The following ZNF7 variants were observed in gnomAD, a reference collection of about 807,000 sequenced individuals.
The protein encoded by ZNF7 is C2-H2 type zinc finger protein.
A neutral mutation model predicts 12.0 loss-of-function variants in ZNF7; 10 were observed. The observed-to-expected ratio is 0.83, with a 90% CI of 0.51 to 1.42. ZNF7 has a LOEUF of 1.42. Ranked by LOEUF, ZNF7 falls within the 40% of genes most tolerant of loss-of-function variation. ZNF7 has a pLI of 0.00. For synonymous variants in ZNF7, 334 were observed against 295.0 expected, an observed-to-expected ratio of 1.13 and a Z score of -1.35; for missense variants, 854 against 837.2, an observed-to-expected ratio of 1.02 and a Z score of -0.25.
chr8:144,843,304 T>C lies in ZNF7; in HGVS notation c.*136T>C, dbSNP rs1830218794. The stretch of plus-strand genomic sequence containing the variant: ...AGAATTGCTCTCAAGAATATCCAAC[T>C]TCAGGCCGAGTGTGGTGGCTTATGC... On this transcript the variant is annotated 3_prime_UTR_variant, in exon 5 of 5. Transcript: ENST00000532777. 4.3e-6 allele frequency: 5 copies of C among 1,156,840 alleles called. No homozygotes were observed. The South Asian group carries it at 5.2e-5, about 12-fold the overall frequency. 71.7% of individuals were successfully genotyped at this position (1,156,840 alleles called of 1,614,324 possible).
chr8:144,833,582 T>A (rs1828685853), intron 3 of ZNF7, among the ~76,000 whole-genome samples: 1 of 152,176 alleles, frequency 6.6e-6, no homozygotes, highest in South Asian at 2.1e-4. Context: ...TTCGCCATGT[T>A]GGCCAGGCTG....
downstream of ZNF7, chr8:144,846,307 A>G: frequency 1.1e-6 from 1 of 923,502 alleles, no homozygotes; most frequent in African/African-American, 1.7e-5. Context: ...ACATGGTCCT[A>G]AGTCAGGGGC....
chr8:144,833,082 C>G (rs1190034919), intron 3 of ZNF7, among the ~76,000 whole-genome samples: 1 of 151,482 alleles, frequency 6.6e-6, no homozygotes, highest in Admixed American at 6.6e-5. Context: ...CCTGTAATCC[C>G]AGCTACTCAG....
At chr8:144,837,116 C>G in intron 3 of ZNF7, 1 of 289,076 alleles carries the variant, frequency 3.5e-6, no homozygotes, top group East Asian at 5.7e-5. Context: ...TAGAGGCGGA[C>G]TGTCCTTTGC....
rs1298022823 is a variant in ZNF7 at position 144,841,972 on chromosome 8, C to T, written c.865C>T (p.Leu289=). 6.2e-7 allele frequency: 1 copy of T among 1,614,016 alleles called. No individual in the cohort carries two copies. The highest frequency in any genetic ancestry group is 8.5e-7 in the Non-Finnish European group (1 of 1,180,040). Residue 289 remains leucine, a synonymous_variant, in exon 5 of 5, where the codon CTG becomes TTG. Coordinates refer to ENST00000532777, the MANE Select transcript of ZNF7 (RefSeq NM_003416.4). ...CACTGAGTGTGGAAAAGCCTTCCGC[C>T]TGAGCTCAAAACTTATTCAGCATCA... ...KCTECGKAFR[L]SSKLIQHQRI...
rs374019253 is a variant in ZNF7, at chr8:144,842,302, A to G, written c.1195A>G (p.Ser399Gly). 1.6e-5 allele frequency: 26 copies of G among 1,613,916 alleles called. No homozygotes were observed. Among genetic ancestry groups the G allele is most frequent in the Non-Finnish European group, 2.1e-5 (25 of 1,180,054 alleles). The change falls in exon 5 of 5, where the codon AGC (serine) becomes GGC (glycine). Residue 399 changes from serine to glycine, a missense_variant. Ser to Gly is a moderately conservative substitution (Grantham distance 56). Coordinates refer to ENST00000532777, the MANE Select transcript of ZNF7 (RefSeq NM_003416.4). ...AATTCTAAAAGCCTCAGACAGTCCA[A>G]GCCTTGTTGCACATCAGAGAATTCA... ...AQILKASDSP[S>G]LVAHQRIHAV... is the part of the protein sequence containing the mutation.
chr8:144,841,606 G>C lies in ZNF7; in HGVS notation c.499G>C (p.Ala167Pro). ...GGTTCCCAAGACCTTCACCAAGGAC[G>C]CACCCCAGGGATGTAAGGAGCTGGG... Reference protein sequence around the residue: ...TVVPKTFTKDAPQGCKELGSS... With the variant: ...TVVPKTFTKDPPQGCKELGSS... Residue 167 changes from alanine (A) to proline (P), a missense_variant, in exon 5 of 5, where the codon GCA becomes CCA. Physicochemically the swap from Ala to Pro is conservative, Grantham distance 27. Coordinates refer to ENST00000532777, the MANE Select transcript of ZNF7 (RefSeq NM_003416.4). The C allele has an allele frequency of 6.2e-7, 1 of 1,614,176 alleles. No individual in the cohort carries two copies. Among genetic ancestry groups the C allele is most frequent in the East Asian group, 2.2e-5 (1 of 44,888 alleles).
At position 144,842,097 on chromosome 8, in the gene ZNF7, A is replaced by T. The variant is rs143516383; in HGVS notation, c.990A>T (p.Gly330=). 1.8e-3 allele frequency: 2,869 copies of T among 1,614,134 alleles called. 45 individuals are homozygous for T. In the African/African-American group the frequency reaches 0.033, roughly 18 times the overall value. Residue 330 remains glycine (G), a synonymous_variant, in exon 5 of 5, where the codon GGA becomes GGT. Transcript: ENST00000532777. ...TCCACCATCAGAGAATCCACACAGG[A>T]GAGAGGCCCTATGGTTGTCGTGAGT... ...SLIHHQRIHT[G]ERPYGCRECG...
At chr8:144,838,338 A>G (rs369025138) in intron 4 of ZNF7, 5 of 570,124 alleles carry the variant, frequency 8.8e-6, no homozygotes, top group South Asian at 6.5e-5. Flanking sequence ...AGGTGCTTCA[A>G]GTTAGGACTT....
rs1829934222 is a variant in ZNF7 at position 144,841,707 on chromosome 8, G to A, written c.600G>A (p.Glu200=). 6.2e-7 allele frequency: 1 copy of A among 1,614,176 alleles called. No homozygotes were observed. The highest frequency in any genetic ancestry group is 1.3e-5 in the African/African-American group (1 of 75,050). ...SAEGMSQRCE[E]CGKGIRATSD... is the part of the protein sequence containing the mutation. ...AAGGGATGTCCCAGAGATGCGAGGA[G>A]TGTGGCAAAGGCATCAGAGCCACTT... The change falls in exon 5 of 5, where the codon GAG becomes GAA. Residue 200 remains glutamate (E), a synonymous_variant. Coordinates refer to ENST00000532777, the MANE Select transcript of ZNF7 (RefSeq NM_003416.4).
Position 144,842,903 on chromosome 8 carries a change from AC to A in ZNF7, c.1798del (p.Gln600ArgfsTer23). ...AGCCGGAGCTCATATCTTATTGAAC[AC>A]CAGAGAATACACACTAGGGCCCAGT... ...AFSRSSYLIEHQRIHTRAQWF... is the reference protein window; with the variant it reads ...AFSRSSYLIEXQRIHTRAQWF... On this transcript the variant is annotated frameshift_variant, in exon 5 of 5. Coordinates refer to ENST00000532777, the MANE Select transcript of ZNF7 (RefSeq NM_003416.4). LOFTEE classifies it low-confidence loss of function (END_TRUNC). 1 of 1,614,188 alleles carries A rather than the reference AC, an allele frequency of 6.2e-7. No individual in the cohort carries two copies. Among genetic ancestry groups the A allele is most frequent in the Non-Finnish European group, 8.5e-7 (1 of 1,180,022 alleles).
chr8:144,841,518 C>A lies in ZNF7; in HGVS notation c.411C>A (p.Gly137=). ...AGGTCTGGTTAGACAGTCATCTGGG[C>A]AGTCCCGGGCTGAAAGTGACAGGCT... The part of the protein sequence containing the change: ...DSEVWLDSHL[G]SPGLKVTGFT... The change falls in exon 5 of 5, where the codon GGC becomes GGA. Residue 137 remains glycine, a synonymous_variant. Transcript: ENST00000532777. The A allele has an allele frequency of 1.2e-6, 2 of 1,614,188 alleles. No homozygotes were observed. Among genetic ancestry groups the A allele is most frequent in the African/African-American group, 1.3e-5 (1 of 75,042 alleles).
chr8:144,830,499 CTT>C (rs1828318101), intron 3 of ZNF7, among the ~76,000 whole-genome samples: 1 of 152,170 alleles, frequency 6.6e-6, no homozygotes, highest in Admixed American at 6.5e-5. Flanking sequence ...TCCGCTGTGT[CTT>C]ATTGCTTTGA....
chr8:144,840,357 C>T (rs1325703825), intron 4 of ZNF7, among the ~76,000 whole-genome samples: 28 of 152,222 alleles, frequency 1.8e-4, no homozygotes, highest in Admixed American at 1.8e-3. Context: ...GACTCACCAC[C>T]AATGGTTAGG....
Position 144,837,409 on chromosome 8 carries a change from A to G in ZNF7, c.149A>G (p.Lys50Arg). ...VAGLAGFLVF[K>R]PELISRLEQG... ...CACACAGCAGGATTCCTGGTTTTCA[A>G]GCCTGAGCTGATCTCTCGGCTGGAG... The change falls in exon 4 of 5, where the codon AAG becomes AGG. Residue 50 changes from lysine (K) to arginine (R), a missense_variant. By Grantham distance (26) the Lys-to-Arg change is conservative. Coordinates refer to ENST00000532777, the MANE Select transcript of ZNF7 (RefSeq NM_003416.4). 1 of 1,611,910 alleles carries G rather than the reference A, an allele frequency of 6.2e-7. No homozygotes were observed. Among genetic ancestry groups the G allele is most frequent in the East Asian group, 2.2e-5 (1 of 44,832 alleles).
chr8:144,840,030 G>A (rs536309334), intron 4 of ZNF7, among the ~76,000 whole-genome samples: 37 of 152,344 alleles, frequency 2.4e-4, no homozygotes, highest in African/African-American at 8.9e-4. Flanking sequence ...TGCCTGCCAG[G>A]TTCAAGTGAT....
At chr8:144,838,198 T>C (rs546456486) in intron 4 of ZNF7, 2 of 698,874 alleles carry the variant, frequency 2.9e-6, no homozygotes. Context: ...GCCTTCTCCC[T>C]GCGTGTCTGT....
downstream of ZNF7, among the ~76,000 whole-genome samples, chr8:144,844,109 G>A (rs117149707): frequency 2.6e-5 from 4 of 152,212 alleles, no homozygotes; most frequent in African/African-American, 9.6e-5. Context: ...TGTCCCAGGG[G>A]CTTGCTGTGT....
rs1209189001 is a variant in ZNF7, at chr8:144,837,522, C to T, written c.247+15C>T. The T allele has an allele frequency of 6.3e-7, 1 of 1,579,292 alleles. No homozygotes were observed. Among genetic ancestry groups the T allele is most frequent in the Non-Finnish European group, 8.7e-7 (1 of 1,153,272 alleles). On this transcript the variant is annotated intron_variant, in intron 4 of 4. Coordinates refer to ENST00000532777, the MANE Select transcript of ZNF7 (RefSeq NM_003416.4). ...CTCCAAGACAGGTGAGGCTTAGATC[C>T]CATCGCAGAGAAGCCCTGGGGTGAG... is the stretch of plus-strand genomic sequence containing the variant.
Sources: gnomAD v4.1 joint callset for allele counts (sites outside exome capture counted in the v4.1 genomes callset) on GRCh38, gnomAD v4.1.1 for gene constraint, MANE v1.5 for transcripts, NCBI Gene and HGNC (gene_info 2026-07-23, HGNC 2026-07-21) for gene names.